Variants in MARK1 observed in about 807,000 individuals in gnomAD.
MARK1 encodes serine/threonine-protein kinase MARK1.
MARK1 carries 40 observed loss-of-function variants against 96.3 expected under a neutral mutation model. That is an observed-to-expected ratio of 0.42 (90% CI 0.32 to 0.54). The LOEUF is 0.54. MARK1 is among the 20% of genes least tolerant of loss of function. MARK1 has a pLI of 0.16. For missense variants in MARK1, 719 were observed against 984.6 expected (o/e 0.73, Z 3.61); for synonymous variants, 317 against 341.2 (o/e 0.93, Z 0.78).
intron 9 of MARK1, among the ~76,000 whole-genome samples, chr1:220,629,770 A>G (rs533840176): frequency 2.0e-5 from 3 of 152,304 alleles, no homozygotes; most frequent in African/African-American, 7.2e-5. Context: ...CCATGTTGTA[A>G]CATATAACAG....
At chr1:220,557,776 C>T (rs546591303) in intron 1 of MARK1, among the ~76,000 whole-genome samples, 22 of 152,060 alleles carry the variant, frequency 1.4e-4, no homozygotes, top group African/African-American at 4.8e-4. Flanking sequence ...CAAAAAAGAG[C>T]AATTGCTTAT....
Position 220,528,482 on chromosome 1 carries a change from C to G in MARK1, c.-341C>G. 1 of 360,580 alleles carries G rather than the reference C, an allele frequency of 2.8e-6. No homozygotes were observed. The highest frequency in any genetic ancestry group is 5.0e-6 in the Non-Finnish European group (1 of 199,158). The allele number at this position is 360,580 out of a possible 1,614,324, so 22.3% of individuals were successfully genotyped here. ...TCACCTTCACCCATGGTCCGGAGAGCCTAGCGGGGCTCGCCACCGCCTCCC... is the reference window on the plus strand; with the variant it reads ...TCACCTTCACCCATGGTCCGGAGAGGCTAGCGGGGCTCGCCACCGCCTCCC... On this transcript the variant is annotated 5_prime_UTR_variant, in exon 1 of 18. Coordinates refer to ENST00000366917, the MANE Select transcript of MARK1 (RefSeq NM_018650.5).
chr1:220,627,234 C>A (rs1667397950), intron 9 of MARK1: 2 of 485,092 alleles, frequency 4.1e-6, no homozygotes, highest in Admixed American at 2.4e-5. Flanking sequence ...GTTCCTCTGA[C>A]AAACGAATTG....
intron 1 of MARK1, among the ~76,000 whole-genome samples, chr1:220,559,633 A>C (rs778453642): frequency 1.3e-5 from 2 of 152,236 alleles, no homozygotes; most frequent in Non-Finnish European, 2.9e-5. Context: ...GTGCGGGAGC[A>C]AAAGCTCTTG....
At chr1:220,581,484 G>A (rs1437392733) in intron 3 of MARK1, among the ~76,000 whole-genome samples, 1 of 152,116 alleles carries the variant, frequency 6.6e-6, no homozygotes, top group Non-Finnish European at 1.5e-5. Context: ...TCCATTTACT[G>A]ATAATATCTG....
At chr1:220,601,032 C>T (rs549763496) in intron 5 of MARK1, among the ~76,000 whole-genome samples, 1 of 151,924 alleles carries the variant, frequency 6.6e-6, no homozygotes, top group Non-Finnish European at 1.5e-5. Flanking sequence ...ATTCTGCTGC[C>T]CCAGCCTCCC....
chr1:220,613,456 C>T (rs539114670), intron 6 of MARK1, among the ~76,000 whole-genome samples: 1 of 152,230 alleles, frequency 6.6e-6, no homozygotes, highest in African/African-American at 2.4e-5. Context: ...ACCATTCTGT[C>T]TGACATGAGT....
At chr1:220,566,047 T>A (rs1292788377) in intron 1 of MARK1, among the ~76,000 whole-genome samples, 2 of 152,234 alleles carry the variant, frequency 1.3e-5, no homozygotes, top group Non-Finnish European at 2.9e-5. Flanking sequence ...ACATTTGTTT[T>A]GCTTTCCAAG....
chr1:220,601,079 G>A (rs1020499439), intron 5 of MARK1, among the ~76,000 whole-genome samples: 6 of 151,620 alleles, frequency 4.0e-5, no homozygotes, highest in Non-Finnish European at 5.9e-5. Context: ...CACCGTGCCC[G>A]GCTAATTTTT....
At chr1:220,549,803 T>C (rs1416838818) in intron 1 of MARK1, among the ~76,000 whole-genome samples, 1 of 152,246 alleles carries the variant, frequency 6.6e-6, no homozygotes, top group Non-Finnish European at 1.5e-5. Context: ...GTGTATTACA[T>C]TGGGCATGTC....
chr1:220,631,755 A>G (rs1179540961), intron 10 of MARK1, among the ~76,000 whole-genome samples: 1 of 152,058 alleles, frequency 6.6e-6, no homozygotes, highest in Non-Finnish European at 1.5e-5. Flanking sequence ...GATCAGAAAA[A>G]CCATGGAAAT....
intron 13 of MARK1, among the ~76,000 whole-genome samples, chr1:220,641,973 A>G (rs1408786406): frequency 6.6e-6 from 1 of 152,202 alleles, no homozygotes; most frequent in East Asian, 1.9e-4. Flanking sequence ...CAAGCACAAA[A>G]CTGGGCAGAC....
intron 3 of MARK1, among the ~76,000 whole-genome samples, chr1:220,586,253 A>G (rs1664621591): frequency 6.6e-6 from 1 of 151,968 alleles, no homozygotes; most frequent in Non-Finnish European, 1.5e-5. Flanking sequence ...CCCGACTCCT[A>G]CAGCTTTAGT....
intron 9 of MARK1, among the ~76,000 whole-genome samples, chr1:220,630,316 G>A (rs956211723): frequency 3.9e-5 from 6 of 152,104 alleles, no homozygotes; most frequent in African/African-American, 1.4e-4. Context: ...ATGTTATTGA[G>A]TTGCAGGCAT....
chr1:220,634,464 T>G (rs1184862609), intron 11 of MARK1, among the ~76,000 whole-genome samples: 2 of 152,190 alleles, frequency 1.3e-5, no homozygotes, highest in Non-Finnish European at 2.9e-5. Flanking sequence ...TCAGTTTTCT[T>G]ATCTATAAAA....
At position 220,631,153 on chromosome 1, in the gene MARK1, T is replaced by G. The variant is rs1667661441; in HGVS notation, c.1009+19T>G. The G allele has an allele frequency of 3.9e-6, 6 of 1,545,080 alleles. No homozygotes were observed. Among genetic ancestry groups the G allele is most frequent in the Non-Finnish European group, 5.4e-6 (6 of 1,118,416 alleles). ...AGAATAGGTAAGTATTTAAACATGG[T>G]AAGAAGTGCTGTCCCTAGGCAACAA... On this transcript the variant is annotated intron_variant, in intron 10 of 17. Coordinates refer to ENST00000366917, the MANE Select transcript of MARK1 (RefSeq NM_018650.5).
At chr1:220,603,477 T>TA (rs1201919070) in intron 5 of MARK1, among the ~76,000 whole-genome samples, 5 of 152,080 alleles carry the variant, frequency 3.3e-5, no homozygotes, top group Admixed American at 3.3e-4. Flanking sequence ...GCTGGGGTAT[T>TA]AGAGATACAC....
intron 13 of MARK1, among the ~76,000 whole-genome samples, chr1:220,649,183 C>T (rs928507056): frequency 6.6e-6 from 1 of 151,584 alleles, no homozygotes; most frequent in African/African-American, 2.4e-5. Context: ...AATGCGTCTG[C>T]ATAATCGAAT....
intron 3 of MARK1, among the ~76,000 whole-genome samples, chr1:220,585,929 C>T (rs1226068582): frequency 6.6e-6 from 1 of 151,988 alleles, no homozygotes; most frequent in African/African-American, 2.4e-5. Flanking sequence ...CCAGTTTAGA[C>T]AAAGTCACTG....
Sources: gnomAD v4.1 joint callset for allele counts (sites outside exome capture counted in the v4.1 genomes callset) on GRCh38, gnomAD v4.1.1 for gene constraint, MANE v1.5 for transcripts, NCBI Gene and HGNC (gene_info 2026-07-23, HGNC 2026-07-21) for gene names.